The following RPA1 variants were observed in gnomAD, a reference collection of about 807,000 sequenced individuals.
RPA1 encodes replication protein A 70 kDa DNA-binding subunit.
Under a neutral mutation model 83.0 loss-of-function variants are expected in RPA1, and 49 were observed. The observed-to-expected ratio is 0.59, with a 90% CI of 0.47 to 0.75. The LOEUF (loss-of-function observed/expected upper bound fraction) is 0.75. Ranked by LOEUF, RPA1 falls within the 30% of genes least tolerant of loss-of-function variation. The pLI, the probability that RPA1 is intolerant of heterozygous loss-of-function variation, is 0.00. For synonymous variants in RPA1, 279 were observed against 281.8 expected (o/e 0.99, Z 0.10); for missense variants, 693 against 776.1 (o/e 0.89, Z 1.27).
intron 5 of RPA1, among the ~76,000 whole-genome samples, chr17:1,870,062 A>G (rs2056904399): frequency 6.6e-6 from 1 of 152,172 alleles, no homozygotes; most frequent in African/African-American, 2.4e-5. Context: ...GCCTCGGTTC[A>G]AGCAGATGTC....
intron 5 of RPA1, among the ~76,000 whole-genome samples, chr17:1,871,620 T>A (rs1913378648): frequency 6.6e-6 from 1 of 152,242 alleles, no homozygotes; most frequent in Non-Finnish European, 1.5e-5. Context: ...TCAAATTCCA[T>A]AAATCTGTTA....
intron 12 of RPA1, 142 bp from the exon 13 acceptor site, chr17:1,883,670 T>C (rs577899446): frequency 9.5e-6 from 7 of 733,860 alleles, no homozygotes; most frequent in Non-Finnish European, 1.5e-5. Flanking sequence ...GATACCAGCT[T>C]CAGCCGACAT....
intron 5 of RPA1, chr17:1,871,996 G>T: frequency 5.8e-6 from 1 of 173,584 alleles, no homozygotes; most frequent in Non-Finnish European, 1.3e-5. Context: ...AGAGACAACT[G>T]AACTGCTTTT....
chr17:1,880,729 C>T (rs1423669525), intron 12 of RPA1, 38 bp downstream of exon 12: 2 of 1,604,750 alleles, frequency 1.2e-6, no homozygotes, highest in Non-Finnish European at 1.7e-6. Context: ...TTACTTGAGG[C>T]TGGGCTTTGA....
intron 15 of RPA1, among the ~76,000 whole-genome samples, chr17:1,893,677 CT>C (rs879431576): frequency 1.1e-3 from 165 of 143,538 alleles, no homozygotes; most frequent in African/African-American, 1.6e-3. Context: ...GTTTACCAGA[CT>C]TTTTTTTTTT....
chr17:1,850,146 T>C (rs1912433791), intron 4 of RPA1, among the ~76,000 whole-genome samples: 1 of 149,492 alleles, frequency 6.7e-6, no homozygotes, highest in Non-Finnish European at 1.5e-5. Context: ...CACTCTAGCC[T>C]GGGCGACAGG....
At chr17:1,869,800 A>G (rs771711750) in intron 5 of RPA1, among the ~76,000 whole-genome samples, 1 of 152,132 alleles carries the variant, frequency 6.6e-6, no homozygotes, top group African/African-American at 2.4e-5. Context: ...CATTCACAAC[A>G]TGCACTGCAA....
chr17:1,860,989 T>C (rs1230765051), intron 5 of RPA1, among the ~76,000 whole-genome samples: 2 of 152,220 alleles, frequency 1.3e-5, no homozygotes, highest in African/African-American at 4.8e-5. Flanking sequence ...CAGACTGTTC[T>C]ACCTCGTGCC....
At chr17:1,894,583 C>T (rs907342414) in intron 15 of RPA1, among the ~76,000 whole-genome samples, 3 of 152,180 alleles carry the variant, frequency 2.0e-5, no homozygotes, top group African/African-American at 7.2e-5. Flanking sequence ...GCGTTAGGTA[C>T]ATTCACATTA....
At chr17:1,843,282 T>C (rs1187688136) in intron 2 of RPA1, among the ~76,000 whole-genome samples, 3 of 151,686 alleles carry the variant, frequency 2.0e-5, no homozygotes, top group South Asian at 4.2e-4. Context: ...TTTTGAAAAA[T>C]AGAAGCAGAA....
In RPA1 at chr17:1,897,113, G is replaced by C. The variant is rs374059430; in HGVS notation, c.1789G>C (p.Val597Leu). 1 of 1,572,956 alleles carries C rather than the reference G, an allele frequency of 6.4e-7. No homozygotes were observed. Residue 597 changes from valine to leucine, a missense_variant, in exon 17 of 17, where the codon GTG becomes CTG. Physicochemically the swap from Val to Leu is conservative, Grantham distance 32. Transcript: ENST00000254719. The stretch of plus-strand genomic sequence containing the variant: ...GGCCACTGTGATGGACGTGAAGCCC[G>C]TGGACTACAGAGAGTATGGCCGAAG... ...IKATVMDVKPVDYREYGRRLV... is the reference protein window; with the variant it reads ...IKATVMDVKPLDYREYGRRLV...
chr17:1,888,913 G>A (rs1039553563), intron 14 of RPA1, 62 bp downstream of exon 14: 3 of 1,547,994 alleles, frequency 1.9e-6, no homozygotes, highest in Non-Finnish European at 2.6e-6. Flanking sequence ...CGTGTGCCAG[G>A]CACTGTGGTC....
chr17:1,835,525 C>T (rs1911783483), intron 1 of RPA1, among the ~76,000 whole-genome samples: 2 of 152,080 alleles, frequency 1.3e-5, no homozygotes, highest in Non-Finnish European at 2.9e-5. Context: ...ATATACTTTT[C>T]TTTCATAAGT....
In RPA1 at chr17:1,862,194, A is replaced by ATT. The variant is rs57509401; in HGVS notation, c.361+9029_361+9030dup. Among the ~76,000 whole-genome samples the ATT allele has an allele frequency of 2.8e-3, 263 of 93,096 alleles. 12 individuals carry two copies. Among genetic ancestry groups the ATT allele is most frequent in the African/African-American group, 0.011 (208 of 19,320 alleles). The allele number at this position is 93,096 out of a possible 152,430, so 61.1% of individuals were successfully genotyped here. On this transcript the variant is annotated intron_variant, in intron 5 of 16. Transcript: ENST00000254719. ...GGCGTGAGCCACCGCCCCCAACCGT[A>ATT]TTTTTTTTTTTTTTTTTTTTTTTTT...
In RPA1 at chr17:1,844,571, T is replaced by A; in HGVS notation, c.164-7T>A. On this transcript the variant is annotated splice_region_variant and splice_polypyrimidine_tract_variant and intron_variant, in intron 3 of 16. Transcript: ENST00000254719. Reference sequence around the variant, plus strand: ...TTGGAGGCTAAAGAAATCTCTGTGGTTTTCAGCTTTCATGTTGGCGACACA... The same window carrying A: ...TTGGAGGCTAAAGAAATCTCTGTGGATTTCAGCTTTCATGTTGGCGACACA... The A allele has an allele frequency of 6.2e-7, 1 of 1,611,002 alleles. No individual in the cohort carries two copies. Among genetic ancestry groups the A allele is most frequent in the Non-Finnish European group, 8.5e-7 (1 of 1,178,252 alleles).
At chr17:1,867,330 C>T (rs1054421289) in intron 5 of RPA1, among the ~76,000 whole-genome samples, 4 of 84,458 alleles carry the variant, frequency 4.7e-5, no homozygotes, top group African/African-American at 1.3e-4. Flanking sequence ...GGCCAGGTTT[C>T]TAGTGTTTGT....
chr17:1,842,949 T>C lies in RPA1; in HGVS notation c.84+96T>C, dbSNP rs529138813. 748 of 1,322,530 alleles carry C rather than the reference T, an allele frequency of 5.7e-4. 3 individuals are homozygous for C. The highest frequency in any genetic ancestry group is 7.7e-4 in the Non-Finnish European group (717 of 927,238). 81.9% of individuals were successfully genotyped at this position (1,322,530 alleles called of 1,614,324 possible). A position where few individuals can be genotyped will look rare whatever the true frequency, so the allele number is the denominator to read the frequency against. On this transcript the variant is annotated intron_variant, in intron 2 of 16. Coordinates refer to ENST00000254719, the MANE Select transcript of RPA1 (RefSeq NM_002945.5). ...GAAGGACAGACAGATTTGTCCACTT[T>C]CGGAAATTCACCCCCAGTCACAAAA...
intron 1 of RPA1, among the ~76,000 whole-genome samples, chr17:1,832,390 A>T (rs1306446701): frequency 1.3e-5 from 2 of 150,346 alleles, no homozygotes; most frequent in South Asian, 2.1e-4. Context: ...TGAATTATTT[A>T]TTTTTTTTCT....
intron 5 of RPA1, among the ~76,000 whole-genome samples, chr17:1,858,716 C>A (rs1188235492): frequency 3.3e-5 from 5 of 151,732 alleles, no homozygotes; most frequent in Admixed American, 3.3e-4. Context: ...CTGCGTGCCT[C>A]AGCCTCCCAA....
Sources: gnomAD v4.1 joint callset for allele counts (sites outside exome capture counted in the v4.1 genomes callset) on GRCh38, gnomAD v4.1.1 for gene constraint, MANE v1.5 for transcripts, NCBI Gene and HGNC (gene_info 2026-07-23, HGNC 2026-07-21) for gene names.